Variants in INTS7 observed in about 807,000 individuals in gnomAD.
INTS7 encodes the protein chromosome 1 open reading frame 73.
INTS7 carries 46 observed loss-of-function variants against 109.2 expected under a neutral mutation model. The ratio of observed to expected loss-of-function variants is 0.42; its 90% CI spans 0.33 to 0.54. The LOEUF (loss-of-function observed/expected upper bound fraction) is 0.54. INTS7 is among the 20% of genes least tolerant of loss of function. INTS7 has a pLI of 0.07. For missense variants in INTS7, 929 were observed against 1,132.4 expected, an observed-to-expected ratio of 0.82 and a Z score of 2.58; for synonymous variants, 412 against 402.9, an observed-to-expected ratio of 1.02 and a Z score of -0.27.
intron 4 of INTS7, 124 bp downstream of exon 4, chr1:212,016,762 A>G (rs1666461897): frequency 1.3e-6 from 1 of 746,760 alleles, no homozygotes; most frequent in African/African-American, 1.9e-5. Context: ...CTTCTTGGAA[A>G]ACACACCTTG....
At chr1:211,953,285 G>A (rs1487896625) in intron 16 of INTS7, among the ~76,000 whole-genome samples, 1 of 152,130 alleles carries the variant, frequency 6.6e-6, no homozygotes, top group Non-Finnish European at 1.5e-5. Flanking sequence ...GCTGGGATAA[G>A]TTTAACCTAG....
At chr1:211,991,615 T>C (rs934279140) in intron 7 of INTS7, among the ~76,000 whole-genome samples, 2 of 152,222 alleles carry the variant, frequency 1.3e-5, no homozygotes, top group African/African-American at 4.8e-5. Flanking sequence ...TGAGGTAACA[T>C]CTACTGTCTG....
chr1:211,947,299 C>T (rs1267050206), intron 17 of INTS7, among the ~76,000 whole-genome samples: 1 of 152,142 alleles, frequency 6.6e-6, no homozygotes, highest in Non-Finnish European at 1.5e-5. Context: ...TTGAAAATCC[C>T]AGCATGACTG....
intron 16 of INTS7, among the ~76,000 whole-genome samples, chr1:211,964,275 C>A (rs116214150): frequency 6.6e-6 from 1 of 151,618 alleles, no homozygotes. Context: ...AGGAATACAG[C>A]TAACTGGGGA....
rs1663508947 is a variant in INTS7, at chr1:211,959,379, C to G, written c.2184-6678G>C. Among the ~76,000 whole-genome samples, 1 of 152,190 alleles carries G rather than the reference C, an allele frequency of 6.6e-6. No homozygotes were observed. The highest frequency in any genetic ancestry group is 1.5e-5 in the Non-Finnish European group (1 of 68,024). ...CTGGCTGTGCCTGCTTGCAGTGCAG[C>G]CTTGGGTGTCCTGGGGGGCCTGCAT... is the stretch of plus-strand genomic sequence containing the variant. On this transcript the variant is annotated intron_variant, in intron 16 of 19. Transcript: ENST00000366994. This position sits in a 1 kb window ranked among gnomAD's most constrained non-coding sequence, Gnocchi z 4.2.
rs998745779 is a variant in INTS7, at chr1:211,946,222, C to G, written c.2415+385G>C. Among the ~76,000 whole-genome samples, 5 of 152,178 alleles carry G rather than the reference C, an allele frequency of 3.3e-5. No homozygotes were observed. Among genetic ancestry groups the G allele is most frequent in the African/African-American group, 1.2e-4 (5 of 41,420 alleles). On this transcript the variant is annotated intron_variant, in intron 18 of 19. Coordinates refer to ENST00000366994, the MANE Select transcript of INTS7 (RefSeq NM_015434.4). This position sits in a 1 kb window ranked among gnomAD's most constrained non-coding sequence, Gnocchi z 4.3. The stretch of plus-strand genomic sequence containing the variant: ...GGTAAGCCAGGCACAGTGGCTCATG[C>G]CTGTAATCCCAGCACTTTGGGAGGC...
Position 211,978,292 on chromosome 1 carries a change from C to A in INTS7, c.1450G>T (p.Asp484Tyr). The change falls in exon 11 of 20, where the codon GAC (aspartate) becomes TAC (tyrosine). Residue 484 changes from aspartate to tyrosine, a missense_variant. Asp to Tyr is a radical substitution (Grantham distance 160, BLOSUM62 -3). This residue lies in a region of INTS7 where 787 missense variants were observed against 901.1 expected (regional missense o/e 0.87). Transcript: ENST00000366994. The stretch of plus-strand genomic sequence containing the variant: ...TTTACCAGAAGTTCTTGTTGCTTGT[C>A]TGTGGCTGATCGTCCAATCACCTTG... ...LYKVIGRSAT[D>Y]KQQELLVSLA... The A allele has an allele frequency of 6.2e-7, 1 of 1,614,186 alleles. No homozygotes were observed. Among genetic ancestry groups the A allele is most frequent in the Non-Finnish European group, 8.5e-7 (1 of 1,180,014 alleles).
At chr1:211,966,674 A>G (rs1490423445) in intron 15 of INTS7, among the ~76,000 whole-genome samples, 176 bp from the exon 16 acceptor site, 1 of 152,218 alleles carries the variant, frequency 6.6e-6, no homozygotes, top group Non-Finnish European at 1.5e-5. Context: ...TACATTGTCT[A>G]TAATAGTGAT....
Position 211,942,009 on chromosome 1 carries a change from G to A in INTS7, c.2704C>T (p.His902Tyr), listed in dbSNP as rs766741328. 1 of 1,614,184 alleles carries A rather than the reference G, an allele frequency of 6.2e-7. No homozygotes were observed. The highest frequency in any genetic ancestry group is 8.5e-7 in the Non-Finnish European group (1 of 1,180,024). The change falls in exon 20 of 20, where the codon CAC (histidine) becomes TAC (tyrosine). Residue 902 changes from histidine to tyrosine, a missense_variant. Transcript: ENST00000366994. This position sits in a 1 kb window ranked among gnomAD's most constrained non-coding sequence, Gnocchi z 4.2. ...ACAGAAGATTCCACTGTAATGTTGT[G>A]TGTTCCAAGGATAGCAAAGTTCAAC... is the stretch of plus-strand genomic sequence containing the variant. ...FLLNFAILGT[H>Y]NITVESSVKD...
At position 211,959,171 on chromosome 1, in the gene INTS7, G is replaced by T. The variant is rs571052490; in HGVS notation, c.2184-6470C>A. Among the ~76,000 whole-genome samples, 37 of 152,316 alleles carry T rather than the reference G, an allele frequency of 2.4e-4. No homozygotes were observed. Among genetic ancestry groups the T allele is most frequent in the Non-Finnish European group, 1.3e-4 (9 of 68,030 alleles). ...TATTCTAGCCAATGCAGAGCCCAAA[G>T]GGTTTGGTGTGTGAGCATCTGTAGT... On this transcript the variant is annotated intron_variant, in intron 16 of 19. Transcript: ENST00000366994. The surrounding 1 kb of genome is among the most constrained non-coding windows in gnomAD (Gnocchi z 4.2).
Position 211,967,201 on chromosome 1 carries a change from G to A in INTS7, c.2114+677C>T, listed in dbSNP as rs557785007. Among the ~76,000 whole-genome samples, 8 of 152,178 alleles carry A rather than the reference G, an allele frequency of 5.3e-5. No homozygotes were observed. In the East Asian group the frequency reaches 7.7e-4, roughly 15 times the overall value. ...GACCAGGCTGGGCACGGTGGCTCAC[G>A]TGTATAATCCCAGCACTTTTAGGTA... On this transcript the variant is annotated intron_variant, in intron 15 of 19. Coordinates refer to ENST00000366994, the MANE Select transcript of INTS7 (RefSeq NM_015434.4).
In INTS7 at chr1:211,942,767, A is replaced by G. The variant is rs148650100; in HGVS notation, c.2602-656T>C. 1.5e-3 allele frequency among the ~76,000 whole-genome samples: 232 copies of G among 152,366 alleles called. 1 individual carries two copies. Among genetic ancestry groups the G allele is most frequent in the Non-Finnish European group, 2.7e-3 (181 of 68,024 alleles). ...TTTATAGGCTCATTCATTTAGCCAGACACTCATGCCTTTGTTCTTCAAAGA... is the reference window on the plus strand; with the variant it reads ...TTTATAGGCTCATTCATTTAGCCAGGCACTCATGCCTTTGTTCTTCAAAGA... On this transcript the variant is annotated intron_variant, in intron 19 of 19. Transcript: ENST00000366994. The surrounding 1 kb of genome is among the most constrained non-coding windows in gnomAD (Gnocchi z 4.2).
At chr1:212,029,995 G>A (rs888565732) in intron 1 of INTS7, among the ~76,000 whole-genome samples, 1 of 152,132 alleles carries the variant, frequency 6.6e-6, no homozygotes, top group South Asian at 2.1e-4. Flanking sequence ...GTCTGTAAAC[G>A]TACATGGCAA....
At chr1:212,001,990 C>T (rs1293386631) in intron 7 of INTS7, among the ~76,000 whole-genome samples, 1 of 152,308 alleles carries the variant, frequency 6.6e-6, no homozygotes, top group South Asian at 2.1e-4. Flanking sequence ...GTCCACTAAA[C>T]TCCAGGCATA....
At chr1:212,020,878 G>T (rs1666660524) in intron 2 of INTS7, 2 of 594,230 alleles carry the variant, frequency 3.4e-6, no homozygotes, top group South Asian at 1.2e-4. Flanking sequence ...GTTCTCCAAA[G>T]AAATAAGTAT....
intron 1 of INTS7, among the ~76,000 whole-genome samples, chr1:212,026,714 A>T (rs1217568577): frequency 6.6e-6 from 1 of 152,176 alleles, no homozygotes; most frequent in Non-Finnish European, 1.5e-5. Context: ...GGGTTGAAAA[A>T]ATCCACAGTA....
At chr1:211,969,618 C>A (rs754489358) in intron 13 of INTS7, among the ~76,000 whole-genome samples, 9 of 132,558 alleles carry the variant, frequency 6.8e-5, no homozygotes, top group Non-Finnish European at 1.4e-4. Flanking sequence ...TGCAGTGGTA[C>A]AATCATGTCT....
intron 1 of INTS7, among the ~76,000 whole-genome samples, chr1:212,034,960 T>C (rs1667357847): frequency 6.6e-6 from 1 of 152,184 alleles, no homozygotes; most frequent in South Asian, 2.1e-4. Context: ...CGGTGCAAGA[T>C]TACTATTCAG....
Position 212,016,982 on chromosome 1 carries a change from T to C in INTS7, c.413A>G (p.Asn138Ser). 3 of 1,601,640 alleles carry C rather than the reference T, an allele frequency of 1.9e-6. No homozygotes were observed. The highest frequency in any genetic ancestry group is 2.6e-6 in the Non-Finnish European group (3 of 1,175,064). The change falls in exon 4 of 20, where the codon AAT (asparagine) becomes AGT (serine). Residue 138 changes from asparagine to serine, a missense_variant. By Grantham distance (46) the Asn-to-Ser change is conservative. This residue lies in a region of INTS7 where 142 missense variants were observed against 231.4 expected (regional missense o/e 0.61). Transcript: ENST00000366994. The stretch of plus-strand genomic sequence containing the variant: ...ACTCTGACGAATACTATGATGAGCA[T>C]TCTTCCTCTCAGGAATTATTGATGC... ...SLASIIPERK[N>S]AHHSIRQSLD... is the part of the protein sequence containing the mutation.
Sources: gnomAD v4.1 joint callset for allele counts (sites outside exome capture counted in the v4.1 genomes callset) on GRCh38, gnomAD v4.1.1 for gene constraint, gnomAD v4.1.1 regional missense constraint, Gnocchi (gnomAD v3.1) non-coding constraint, MANE v1.5 for transcripts, NCBI Gene and HGNC (gene_info 2026-07-23, HGNC 2026-07-21) for gene names.